The following AEBP2 variants were observed in gnomAD, a reference collection of about 807,000 sequenced individuals.
AEBP2 encodes zinc finger protein AEBP2.
AEBP2 carries 10 observed loss-of-function variants against 50.8 expected under a neutral mutation model. That is an observed-to-expected ratio of 0.20 (90% CI 0.12 to 0.33). The LOEUF (loss-of-function observed/expected upper bound fraction) is 0.33. Ranked by LOEUF, AEBP2 falls within the 10% of genes least tolerant of loss-of-function variation. AEBP2 has a pLI of 1.00. For missense variants in AEBP2, 570 were observed against 688.0 expected (o/e 0.83, Z 1.92); for synonymous variants, 296 against 261.3 (o/e 1.13, Z -1.28).
chr12:19,426,147 G>C (rs2095748425), intron 1 of AEBP2, among the ~76,000 whole-genome samples: 1 of 152,028 alleles, frequency 6.6e-6, no homozygotes, highest in East Asian at 1.9e-4. Context: ...TGTTGCCCAG[G>C]CTGATCTCAA....
At chr12:19,436,452 A>G (rs1947861780), upstream of AEBP2, among the ~76,000 whole-genome samples, 1 of 152,008 alleles carries the variant, frequency 6.6e-6, no homozygotes, top group Non-Finnish European at 1.5e-5. Flanking sequence ...TTCTTAATAA[A>G]CTTGCTTTCA....
chr12:19,478,242 T>C (rs970246910), intron 3 of AEBP2, among the ~76,000 whole-genome samples: 1 of 152,244 alleles, frequency 6.6e-6, no homozygotes, highest in Admixed American at 6.5e-5. Flanking sequence ...TTGTTCTTTC[T>C]TGTTTCTCTA....
intron 1 of AEBP2, among the ~76,000 whole-genome samples, chr12:19,414,872 G>A (rs138640301): frequency 1.3e-5 from 2 of 151,106 alleles, no homozygotes; most frequent in African/African-American, 2.4e-5. Flanking sequence ...TTAGTGAGCC[G>A]AGATTGTGCC....
chr12:19,439,213 G>A (rs1022569999), upstream of AEBP2, among the ~76,000 whole-genome samples: 1 of 152,204 alleles, frequency 6.6e-6, no homozygotes, highest in African/African-American at 2.4e-5. Context: ...GTACAGAGGG[G>A]ACACTCCTCA....
chr12:19,514,190 G>A (rs1260234604), intron 6 of AEBP2, among the ~76,000 whole-genome samples: 1 of 151,864 alleles, frequency 6.6e-6, no homozygotes, highest in African/African-American at 2.4e-5. Context: ...AGTACAGATG[G>A]GGTTTCACCA....
chr12:19,471,319 A>G (rs913411702), intron 2 of AEBP2, among the ~76,000 whole-genome samples: 1 of 152,116 alleles, frequency 6.6e-6, no homozygotes, highest in Admixed American at 6.5e-5. Flanking sequence ...GGGTTATGGC[A>G]TGTTGCCCAG....
intron 4 of AEBP2, among the ~76,000 whole-genome samples, chr12:19,499,699 T>C (rs1017034364): frequency 6.6e-6 from 1 of 152,172 alleles, no homozygotes; most frequent in African/African-American, 2.4e-5. Flanking sequence ...CACAAAATGT[T>C]CACAAAATTT....
At chr12:19,506,405 A>G (rs1949156588) in intron 5 of AEBP2, among the ~76,000 whole-genome samples, 1 of 152,108 alleles carries the variant, frequency 6.6e-6, no homozygotes, top group Non-Finnish European at 1.5e-5. Flanking sequence ...TGGCCCTTTT[A>G]TTTCTCTCTT....
chr12:19,445,459 T>G (rs955772027), intron 1 of AEBP2, among the ~76,000 whole-genome samples: 7 of 151,642 alleles, frequency 4.6e-5, no homozygotes, highest in Non-Finnish European at 1.0e-4. Context: ...AATGATCCGC[T>G]TGCCTCGGCC....
At chr12:19,447,372 T>A (rs1378014811) in intron 1 of AEBP2, among the ~76,000 whole-genome samples, 2 of 152,264 alleles carry the variant, frequency 1.3e-5, no homozygotes, top group Non-Finnish European at 2.9e-5. Context: ...GTTTACCATT[T>A]ATCTCCACTG....
At chr12:19,491,601 AGAGT>A (rs1948895734) in intron 3 of AEBP2, among the ~76,000 whole-genome samples, 1 of 152,150 alleles carries the variant, frequency 6.6e-6, no homozygotes. Context: ...TGTGCACCAT[AGAGT>A]AAGTAAACAT....
intron 1 of AEBP2, chr12:19,456,650 G>A: frequency 1.3e-6 from 2 of 1,534,806 alleles, no homozygotes. Flanking sequence ...CATCTTTGCT[G>A]TCACCAGCAT....
intron 1 of AEBP2, among the ~76,000 whole-genome samples, chr12:19,442,392 A>T (rs554248533): frequency 6.6e-6 from 1 of 152,164 alleles, no homozygotes; most frequent in East Asian, 1.9e-4. Flanking sequence ...TGGGCGACAG[A>T]GCGAGACTCC....
chr12:19,435,472 A>G (rs1260827721), upstream of AEBP2, among the ~76,000 whole-genome samples: 2 of 151,922 alleles, frequency 1.3e-5, no homozygotes, highest in Non-Finnish European at 1.5e-5. Flanking sequence ...TCGTAACCTC[A>G]AGTGATTTGT....
At chr12:19,444,579 C>T (rs1322759437) in intron 1 of AEBP2, among the ~76,000 whole-genome samples, 2 of 152,148 alleles carry the variant, frequency 1.3e-5, no homozygotes, top group Non-Finnish European at 2.9e-5. Context: ...ATATTACTGC[C>T]TATATTTCAA....
intron 3 of AEBP2, among the ~76,000 whole-genome samples, chr12:19,479,717 G>GTTTC (rs1948698002): frequency 1.8e-4 from 4 of 22,312 alleles, no homozygotes; most frequent in Non-Finnish European, 1.8e-4. Flanking sequence ...CTCTTTGTGG[G>GTTTC]TTTTTTTTTT....
Position 19,493,913 on chromosome 12 carries a change from C to T in AEBP2, c.1101C>T (p.Ala367=). 2 of 1,613,524 alleles carry T rather than the reference C, an allele frequency of 1.2e-6. No individual in the cohort carries two copies. The highest frequency in any genetic ancestry group is 1.7e-6 in the Non-Finnish European group (2 of 1,179,738). The change falls in exon 4 of 8, where the codon GCC becomes GCT. Residue 367 remains alanine, a synonymous_variant. Transcript: ENST00000266508. The part of the protein sequence containing the change: ...NSSKVSSQPK[A]KEESPSKAGM... ...CAAAAGTTTCTAGCCAGCCAAAGGCCAAAGAAGAATCTCCTTCTAAAGCTG... is the reference window on the plus strand; with the variant it reads ...CAAAAGTTTCTAGCCAGCCAAAGGCTAAAGAAGAATCTCCTTCTAAAGCTG...
At chr12:19,424,772 T>C (rs2095747665) in intron 1 of AEBP2, among the ~76,000 whole-genome samples, 1 of 151,692 alleles carries the variant, frequency 6.6e-6, no homozygotes, top group Non-Finnish European at 1.5e-5. Flanking sequence ...CTTTGGGAAG[T>C]CGAGGTGGGT....
chr12:19,453,181 G>T (rs945992104), intron 1 of AEBP2, among the ~76,000 whole-genome samples: 1 of 152,022 alleles, frequency 6.6e-6, no homozygotes, highest in East Asian at 1.9e-4. Context: ...GTGTTAGCCA[G>T]GATGGTCTCG....
Sources: gnomAD v4.1 joint callset for allele counts (sites outside exome capture counted in the v4.1 genomes callset) on GRCh38, gnomAD v4.1.1 for gene constraint, MANE v1.5 for transcripts, NCBI Gene and HGNC (gene_info 2026-07-23, HGNC 2026-07-21) for gene names.